The following SEPTIN7 variants were observed in gnomAD, a reference collection of about 807,000 sequenced individuals.
The protein encoded by SEPTIN7 is septin-7.
A neutral mutation model predicts 63.3 loss-of-function variants in SEPTIN7; 10 were observed. The observed-to-expected ratio is 0.16, with a 90% confidence interval of 0.10 to 0.27. SEPTIN7 has a LOEUF of 0.27. Among genes scored for constraint, SEPTIN7 ranks in the 10% least tolerant of loss-of-function variants. The pLI is 1.00. For missense variants in SEPTIN7, 310 were observed against 521.0 expected (o/e 0.59, Z 3.94); for synonymous variants, 131 against 165.3 (o/e 0.79, Z 1.59).
the SEPTIN7 span, among the ~76,000 whole-genome samples, chr7:35,915,081 A>G: frequency 6.6e-6 from 1 of 151,770 alleles, no homozygotes; most frequent in African/African-American, 2.4e-5. Context: ...GCATGTACAT[A>G]TATGTATATA....
chr7:35,860,070 G>C (rs2116125720), intron 3 of SEPTIN7, among the ~76,000 whole-genome samples: 1 of 147,172 alleles, frequency 6.8e-6, no homozygotes, highest in South Asian at 2.1e-4. Context: ...GCCTTTGTTT[G>C]TGTTTACTTG....
At chr7:35,844,450 T>C (rs970661805) in intron 3 of SEPTIN7, among the ~76,000 whole-genome samples, 3 of 152,258 alleles carry the variant, frequency 2.0e-5, no homozygotes, top group Non-Finnish European at 2.9e-5. Flanking sequence ...TATTTAACTT[T>C]ATATCTACTT....
At chr7:35,861,137 G>C (rs569021444) in intron 3 of SEPTIN7, among the ~76,000 whole-genome samples, 2 of 152,030 alleles carry the variant, frequency 1.3e-5, no homozygotes, top group East Asian at 1.9e-4. Flanking sequence ...GTATTTTTCA[G>C]CTCTACAGTT....
At chr7:35,844,793 G>A (rs2116002938) in intron 3 of SEPTIN7, among the ~76,000 whole-genome samples, 1 of 152,250 alleles carries the variant, frequency 6.6e-6, no homozygotes, top group Non-Finnish European at 1.5e-5. Context: ...AGTAAAGACA[G>A]GATTTCACCA....
At chr7:35,915,659 G>A in the SEPTIN7 span, among the ~76,000 whole-genome samples, 1 of 152,090 alleles carries the variant, frequency 6.6e-6, no homozygotes, top group African/African-American at 2.4e-5. Context: ...CTGGCTTCCT[G>A]TCCTGGCCAT....
chr7:35,870,922 T>C (rs1786107797), intron 4 of SEPTIN7, among the ~76,000 whole-genome samples: 1 of 152,108 alleles, frequency 6.6e-6, no homozygotes, highest in Admixed American at 6.5e-5. Context: ...TCTCTCATGT[T>C]ATTAGGGTAA....
intron 1 of SEPTIN7, among the ~76,000 whole-genome samples, chr7:35,807,193 T>TA (rs1788399285): frequency 6.6e-6 from 1 of 151,932 alleles, no homozygotes; most frequent in African/African-American, 2.4e-5. Context: ...AAACTTTTTT[T>TA]TTTTTTTTGA....
intron 1 of SEPTIN7, among the ~76,000 whole-genome samples, chr7:35,819,913 C>T (rs2115783201): frequency 6.6e-6 from 1 of 151,864 alleles, no homozygotes; most frequent in African/African-American, 2.4e-5. Context: ...CAGCAAAATA[C>T]ATTAGTTACA....
chr7:35,841,585 A>T (rs963461549), intron 3 of SEPTIN7, among the ~76,000 whole-genome samples: 2 of 152,224 alleles, frequency 1.3e-5, no homozygotes, highest in African/African-American at 4.8e-5. Context: ...CTTGGTATTG[A>T]ATACACTCAA....
intron 11 of SEPTIN7, among the ~76,000 whole-genome samples, chr7:35,894,431 C>A (rs1429228800): frequency 1.3e-5 from 2 of 152,186 alleles, no homozygotes; most frequent in East Asian, 3.9e-4. Context: ...TCTCAGAATT[C>A]TTGATACATG....
chr7:35,843,702 GC>G (rs905810157), intron 3 of SEPTIN7, among the ~76,000 whole-genome samples: 1 of 152,154 alleles, frequency 6.6e-6, no homozygotes, highest in Non-Finnish European at 1.5e-5. Context: ...ATCTGCATAT[GC>G]CTACAAGTGT....
chr7:35,844,106 G>A (rs940324511), intron 3 of SEPTIN7, among the ~76,000 whole-genome samples: 2 of 152,194 alleles, frequency 1.3e-5, no homozygotes, highest in African/African-American at 4.8e-5. Flanking sequence ...CATCAGCAGT[G>A]TAAGTGCTAA....
intron 1 of SEPTIN7, among the ~76,000 whole-genome samples, 175 bp downstream of exon 1, chr7:35,801,445 G>T (rs1161137724): frequency 6.6e-6 from 1 of 151,918 alleles, no homozygotes; most frequent in Non-Finnish European, 1.5e-5. Flanking sequence ...GGCTCGGGGG[G>T]AGGGGAGGCG....
At position 35,802,567 on chromosome 7, in the gene SEPTIN7, A is replaced by C. The variant is rs150695044; in HGVS notation, c.61+1297A>C. On this transcript the variant is annotated intron_variant, in intron 1 of 13. Coordinates refer to ENST00000350320, the MANE Select transcript of SEPTIN7 (RefSeq NM_001788.6). ...AGATCATCTAAATTACTAAGCATCTAACCTGTTTTACATATTTATGCACAT... is the reference window on the plus strand; with the variant it reads ...AGATCATCTAAATTACTAAGCATCTCACCTGTTTTACATATTTATGCACAT... Among the ~76,000 whole-genome samples the C allele has an allele frequency of 6.6e-3, 998 of 152,356 alleles. 13 individuals carry two copies. Among genetic ancestry groups the C allele is most frequent in the African/African-American group, 0.023 (958 of 41,588 alleles).
chr7:35,899,349 A>G (rs757512700), intron 12 of SEPTIN7: 14 of 152,182 alleles, frequency 9.2e-5, no homozygotes, highest in Non-Finnish European at 1.6e-4. Flanking sequence ...AGCCTGGCCA[A>G]CATGGTGAAA....
At chr7:35,822,190 G>A (rs967206985) in intron 1 of SEPTIN7, among the ~76,000 whole-genome samples, 3 of 151,802 alleles carry the variant, frequency 2.0e-5, no homozygotes, top group Admixed American at 6.6e-5. Flanking sequence ...AGCAATTCTC[G>A]TGCCTCAGCT....
At chr7:35,847,172 A>G (rs1428362635) in intron 3 of SEPTIN7, 1 of 157,342 alleles carries the variant, frequency 6.4e-6, no homozygotes, top group African/African-American at 2.5e-5. Context: ...CCTTGTGCAC[A>G]CAGTCGTGCA....
chr7:35,841,908 T>C (rs963346549), intron 3 of SEPTIN7, among the ~76,000 whole-genome samples: 1 of 152,178 alleles, frequency 6.6e-6, no homozygotes, highest in African/African-American at 2.4e-5. Context: ...CCAAATACTA[T>C]TGTGGGTCAG....
intron 3 of SEPTIN7, among the ~76,000 whole-genome samples, chr7:35,837,982 G>T (rs1254714234): frequency 6.6e-6 from 1 of 152,064 alleles, no homozygotes; most frequent in African/African-American, 2.4e-5. Context: ...ACTTGCCTCG[G>T]CCTCCCAAAG....
Sources: gnomAD v4.1 joint callset for allele counts (sites outside exome capture counted in the v4.1 genomes callset) on GRCh38, gnomAD v4.1.1 for gene constraint, MANE v1.5 for transcripts, NCBI Gene and HGNC (gene_info 2026-07-23, HGNC 2026-07-21) for gene names.